The following HPSE2 variants were observed in gnomAD, a reference collection of about 807,000 sequenced individuals.
HPSE2 encodes inactive heparanase-2.
HPSE2 carries 38 observed loss-of-function variants against 60.5 expected under a neutral mutation model. The observed-to-expected ratio is 0.63, with a 90% confidence interval of 0.48 to 0.82. The LOEUF is 0.82. Among genes scored for constraint, HPSE2 ranks in the 40% least tolerant of loss-of-function variants. The pLI is 0.00. For synonymous variants in HPSE2, 295 were observed against 293.2 expected (o/e 1.01, Z -0.06); for missense variants, 713 against 740.4 (o/e 0.96, Z 0.43).
chr10:98,807,543 AAT>A (rs1479023775), intron 3 of HPSE2, among the ~76,000 whole-genome samples: 3 of 152,164 alleles, frequency 2.0e-5, no homozygotes, highest in Non-Finnish European at 2.9e-5. Flanking sequence ...GTACTCAATA[AAT>A]GTTAGCTCAC....
chr10:98,763,153 A>G (rs1297598862), intron 3 of HPSE2, among the ~76,000 whole-genome samples: 1 of 152,142 alleles, frequency 6.6e-6, no homozygotes, highest in African/African-American at 2.4e-5. Flanking sequence ...TACAATTTAA[A>G]GACAGATTTT....
chr10:99,306,775 T>A, the HPSE2 span, among the ~76,000 whole-genome samples: 1 of 152,202 alleles, frequency 6.6e-6, no homozygotes, highest in Non-Finnish European at 1.5e-5. Context: ...AATGGCGCGA[T>A]CTCGGCTCAC....
At chr10:98,772,351 C>T (rs1351541714) in intron 3 of HPSE2, among the ~76,000 whole-genome samples, 1 of 152,012 alleles carries the variant, frequency 6.6e-6, no homozygotes, top group Non-Finnish European at 1.5e-5. Context: ...GGATGGTTGC[C>T]CCAATCAAGA....
chr10:99,128,377 G>T (rs11189983), intron 3 of HPSE2, among the ~76,000 whole-genome samples: 25,004 of 152,032 alleles, frequency 0.16, 2,408 homozygotes, highest in Admixed American at 0.24. Flanking sequence ...ATATATGTAT[G>T]CATATGTTCA....
chr10:98,640,935 T>G (rs1171081693), intron 7 of HPSE2, among the ~76,000 whole-genome samples: 1 of 151,922 alleles, frequency 6.6e-6, no homozygotes, highest in East Asian at 1.9e-4. Flanking sequence ...ACAACAGGAG[T>G]GAAATTAGAA....
chr10:99,225,327 A>C lies in HPSE2; in HGVS notation c.448+7021T>G, dbSNP rs1219451770. 3.9e-5 allele frequency among the ~76,000 whole-genome samples: 6 copies of C among 152,128 alleles called. No homozygotes were observed. In the East Asian group the frequency reaches 1.2e-3, roughly 29 times the overall value. On this transcript the variant is annotated intron_variant, in intron 2 of 11. Coordinates refer to ENST00000370552, the MANE Select transcript of HPSE2 (RefSeq NM_021828.5). The stretch of plus-strand genomic sequence containing the variant: ...TAGCTGCTGCTGCTGAAGTAACAAG[A>C]AGTCAATAGTAAGTAATTTGACAAT...
At chr10:99,218,823 C>T (rs1440440536) in intron 2 of HPSE2, among the ~76,000 whole-genome samples, 2 of 152,138 alleles carry the variant, frequency 1.3e-5, no homozygotes, top group African/African-American at 4.8e-5. Context: ...GCCTATAGAT[C>T]CTTTTGAATC....
chr10:98,661,288 T>C (rs1947218061), intron 6 of HPSE2, among the ~76,000 whole-genome samples: 2 of 152,236 alleles, frequency 1.3e-5, no homozygotes, highest in Admixed American at 6.5e-5. Context: ...GAAAATATAG[T>C]TTACTGGTTT....
chr10:98,956,430 G>A (rs1328008840), intron 3 of HPSE2, among the ~76,000 whole-genome samples: 1 of 152,152 alleles, frequency 6.6e-6, no homozygotes, highest in Non-Finnish European at 1.5e-5. Context: ...AGTGGATTAA[G>A]TAAGATAAAA....
chr10:98,512,812 A>AACACAC (rs71007394), intron 9 of HPSE2, among the ~76,000 whole-genome samples: 1,469 of 124,600 alleles, frequency 0.012, 32 homozygotes, highest in African/African-American at 0.036. Flanking sequence ...CCCACCCCCC[A>AACACAC]ACACACACAC....
chr10:98,809,948 T>C (rs909478273), intron 3 of HPSE2, among the ~76,000 whole-genome samples: 2 of 152,144 alleles, frequency 1.3e-5, no homozygotes, highest in African/African-American at 4.8e-5. Flanking sequence ...GCAAAACAGA[T>C]GGCGGAAAAC....
chr10:99,022,522 C>A (rs567948044), intron 3 of HPSE2, among the ~76,000 whole-genome samples: 1 of 152,246 alleles, frequency 6.6e-6, no homozygotes, highest in Non-Finnish European at 1.5e-5. Context: ...CTGGAGAAGA[C>A]AAGGAAGTGC....
intron 3 of HPSE2, among the ~76,000 whole-genome samples, chr10:98,958,933 C>T (rs936208704): frequency 1.3e-5 from 2 of 152,090 alleles, no homozygotes; most frequent in Non-Finnish European, 2.9e-5. Context: ...CCACTGCTAG[C>T]TATGTGACCC....
chr10:98,879,183 GT>G (rs941016783), intron 3 of HPSE2, among the ~76,000 whole-genome samples: 9 of 151,984 alleles, frequency 5.9e-5, no homozygotes, highest in African/African-American at 2.2e-4. Flanking sequence ...AGATATGGGA[GT>G]TTTTACCATG....
intron 11 of HPSE2, among the ~76,000 whole-genome samples, chr10:98,481,870 C>T (rs564798519): frequency 7.2e-4 from 109 of 152,284 alleles, no homozygotes; most frequent in African/African-American, 2.3e-3. Flanking sequence ...AGGCCTCACT[C>T]GGGGAGCTGG....
chr10:99,226,987 AT>A (rs2133940943), intron 2 of HPSE2, among the ~76,000 whole-genome samples: 1 of 152,196 alleles, frequency 6.6e-6, no homozygotes, highest in East Asian at 1.9e-4. Flanking sequence ...GTACATACTT[AT>A]TAAATGTAAC....
intron 8 of HPSE2, among the ~76,000 whole-genome samples, chr10:98,617,072 T>C (rs1945931788): frequency 6.6e-6 from 1 of 152,182 alleles, no homozygotes; most frequent in African/African-American, 2.4e-5. Context: ...TATTCAACTT[T>C]CCATCCCTAT....
At chr10:99,103,410 G>C (rs1293987040) in intron 3 of HPSE2, among the ~76,000 whole-genome samples, 1 of 152,004 alleles carries the variant, frequency 6.6e-6, no homozygotes, top group Admixed American at 6.6e-5. Flanking sequence ...AAAATACCTA[G>C]GAATCCAACT....
chr10:98,843,095 CTG>C (rs1000926104), intron 3 of HPSE2, among the ~76,000 whole-genome samples: 4 of 152,020 alleles, frequency 2.6e-5, no homozygotes, highest in Admixed American at 2.6e-4. Context: ...TACAGGTAAA[CTG>C]TGTCATGGGG....
Sources: allele counts gnomAD v4.1 joint callset (sites outside exome capture counted in the v4.1 genomes callset), GRCh38; gene constraint gnomAD v4.1.1; transcripts MANE v1.5; gene names NCBI Gene and HGNC (gene_info 2026-07-23, HGNC 2026-07-21).